The following OR14A2 variants were observed in gnomAD, a reference collection of about 807,000 sequenced individuals.
OR14A2 encodes the protein olfactory receptor 14A2.
For synonymous variants in OR14A2, 114 were observed against 58.6 expected, an observed-to-expected ratio of 1.95 and a Z score of -4.32; for missense variants, 237 against 152.9, an observed-to-expected ratio of 1.55 and a Z score of -2.90.
chr1:247,744,228 C>G, the OR14A2 span, among the ~76,000 whole-genome samples: 4 of 152,104 alleles, frequency 2.6e-5, no homozygotes, highest in African/African-American at 9.7e-5. This position sits in a 1 kb window ranked among gnomAD's most constrained non-coding sequence, Gnocchi z 4.3. Flanking sequence ...AGTTTTAGCT[C>G]TTTTCATATA....
At chr1:247,746,419 C>T in the OR14A2 span, 1 of 152,106 alleles carries the variant, frequency 6.6e-6, no homozygotes, top group Admixed American at 6.6e-5. Flanking sequence ...GGTGTGAAAT[C>T]GGTTTTTATA....
the OR14A2 span, among the ~76,000 whole-genome samples, chr1:247,740,471 C>G: frequency 6.6e-6 from 1 of 152,126 alleles, no homozygotes; most frequent in Non-Finnish European, 1.5e-5. Context: ...GTGATTTTCT[C>G]ATGTCTTTTT....
upstream of OR14A2, among the ~76,000 whole-genome samples, chr1:247,724,976 GT>G (rs1309466655): frequency 6.6e-6 from 1 of 151,794 alleles, no homozygotes; most frequent in Non-Finnish European, 1.5e-5. Flanking sequence ...TCAAAAAAAT[GT>G]TCCATATATA....
chr1:247,725,579 G>A (rs2103202409), upstream of OR14A2, among the ~76,000 whole-genome samples: 1 of 145,912 alleles, frequency 6.9e-6, no homozygotes, highest in African/African-American at 2.5e-5. Flanking sequence ...TGTGCACATT[G>A]TGCAGGTTAG....
the OR14A2 span, among the ~76,000 whole-genome samples, chr1:247,730,983 G>C: frequency 6.6e-6 from 1 of 151,972 alleles, no homozygotes; most frequent in South Asian, 2.1e-4. Context: ...CCAGCTACTT[G>C]GGCACTGTTT....
the OR14A2 span, chr1:247,738,737 A>G: frequency 6.4e-6 from 5 of 780,768 alleles, no homozygotes; most frequent in South Asian, 4.0e-5. Flanking sequence ...TGATGAATTT[A>G]GTCATCATTC....
chr1:247,723,654 G>A (rs997546791), exon 1 of OR14A2: 11 of 718,548 alleles, frequency 1.5e-5, no homozygotes, highest in Middle Eastern at 2.3e-4. Flanking sequence ...TGATTACCTC[G>A]TAGTTCAGGG....
upstream of OR14A2, among the ~76,000 whole-genome samples, chr1:247,725,775 T>G (rs1038296895): frequency 7.6e-6 from 1 of 131,768 alleles, no homozygotes; most frequent in Non-Finnish European, 1.6e-5. Flanking sequence ...AGTGAGAATA[T>G]GCGGTGTTTG....
At chr1:247,739,999 C>T in the OR14A2 span, among the ~76,000 whole-genome samples, 1,606 of 152,228 alleles carry the variant, frequency 0.011, 22 homozygotes, top group African/African-American at 0.036. Flanking sequence ...CGTAAGCCAC[C>T]GTGCCCATCT....
chr1:247,742,000 GA>G, the OR14A2 span, among the ~76,000 whole-genome samples: 1 of 152,142 alleles, frequency 6.6e-6, no homozygotes, highest in Admixed American at 6.5e-5. Flanking sequence ...AAAGTAAATT[GA>G]AATAGTACTT....
chr1:247,729,476 C>T, the OR14A2 span, among the ~76,000 whole-genome samples: 1 of 152,172 alleles, frequency 6.6e-6, no homozygotes, highest in Admixed American at 6.6e-5. Context: ...ATACAACAAG[C>T]CAACATAACA....
chr1:247,725,501 ATTTATTTATTTATTT>A (rs1431058692), upstream of OR14A2, among the ~76,000 whole-genome samples: 28 of 150,250 alleles, frequency 1.9e-4, no homozygotes, highest in African/African-American at 4.9e-4. Context: ...TTATTTATTT[ATTTATTTATTTATTT>A]TTTATTTATT....
the OR14A2 span, among the ~76,000 whole-genome samples, chr1:247,729,957 A>G: frequency 6.6e-6 from 1 of 152,112 alleles, no homozygotes; most frequent in Non-Finnish European, 1.5e-5. Context: ...CAAACATTAG[A>G]TACAGTTTAT....
At chr1:247,746,413 T>G in the OR14A2 span, 1 of 152,166 alleles carries the variant, frequency 6.6e-6, no homozygotes, top group Non-Finnish European at 1.5e-5. Context: ...AATGAAGGTG[T>G]GAAATCGGTT....
At chr1:247,747,611 C>G in the OR14A2 span, among the ~76,000 whole-genome samples, 1 of 152,260 alleles carries the variant, frequency 6.6e-6, no homozygotes, top group South Asian at 2.1e-4. Context: ...ATCCGCCCGC[C>G]TCGGCCTCCC....
chr1:247,723,877 G>A, exon 1 of OR14A2: 1 of 717,504 alleles, frequency 1.4e-6, no homozygotes, highest in Admixed American at 2.0e-5. Flanking sequence ...GAAGTACATG[G>A]GTGTTTGGAG....
At chr1:247,739,095 A>G in the OR14A2 span, 5 of 780,816 alleles carry the variant, frequency 6.4e-6, no homozygotes, top group Middle Eastern at 2.3e-4. Context: ...CACAGCTGGA[A>G]CATTCTCTCT....
the OR14A2 span, among the ~76,000 whole-genome samples, chr1:247,730,857 G>T: frequency 6.6e-6 from 1 of 152,010 alleles, no homozygotes; most frequent in Non-Finnish European, 1.5e-5. Flanking sequence ...ACTCTCATTG[G>T]ATTGGATGAT....
chr1:247,733,312 T>A, the OR14A2 span, among the ~76,000 whole-genome samples: 6 of 152,320 alleles, frequency 3.9e-5, no homozygotes, highest in East Asian at 1.2e-3. Context: ...TTTGAAAGAT[T>A]TGAAGAAATT....
Sources: allele counts gnomAD v4.1 joint callset (sites outside exome capture counted in the v4.1 genomes callset), GRCh38; gene constraint gnomAD v4.1.1; non-coding constraint Gnocchi (gnomAD v3.1); transcripts MANE v1.5; gene names NCBI Gene and HGNC (gene_info 2026-07-23, HGNC 2026-07-21).